TRPA1: variants seen among roughly 807,000 people sequenced by gnomAD.
TRPA1 encodes the protein ankyrin-like with transmembrane domains 1.
In TRPA1, 129 loss-of-function variants were observed where a neutral mutation model predicts 131.3. That is an observed-to-expected ratio of 0.98 (90% CI 0.85 to 1.14). The LOEUF (loss-of-function observed/expected upper bound fraction) is 1.14. TRPA1 is among the 50% of genes most tolerant of loss of function. The pLI is 0.00. For synonymous variants in TRPA1, 441 were observed against 451.7 expected (o/e 0.98, Z 0.30); for missense variants, 1,304 against 1,354.2 (o/e 0.96, Z 0.58).
rs373524471 is a variant in TRPA1 at position 72,021,891 on chromosome 8, G to A, written c.*1015C>T. On this transcript the variant is annotated 3_prime_UTR_variant, in exon 27 of 27. Coordinates refer to ENST00000262209, the MANE Select transcript of TRPA1 (RefSeq NM_007332.3). ...AGCAAAAACAGAAATAGAAGCTATA[G>A]CATAATAACATCTGTGTAAATAATA... 1 of 152,290 alleles carries A rather than the reference G, an allele frequency of 6.6e-6. No homozygotes were observed. The highest frequency in any genetic ancestry group is 2.1e-4 in the South Asian group (1 of 4,826). 9.4% of individuals were successfully genotyped at this position (152,290 alleles called of 1,614,324 possible).
intron 3 of TRPA1, among the ~76,000 whole-genome samples, chr8:72,066,600 T>C (rs1048420700): frequency 1.3e-5 from 2 of 152,198 alleles, no homozygotes; most frequent in Non-Finnish European, 2.9e-5. Flanking sequence ...ACTCAGATTT[T>C]AGTACATAAG....
At chr8:72,080,548 T>C (rs1425616263), upstream of TRPA1, among the ~76,000 whole-genome samples, 1 of 151,834 alleles carries the variant, frequency 6.6e-6, no homozygotes, top group Non-Finnish European at 1.5e-5. Context: ...TTTTGTGATA[T>C]CTTTGTATAG....
At position 72,025,131 on chromosome 8, in the gene TRPA1, TGTGTGC is replaced by T. The variant is rs1006753458; in HGVS notation, c.3051+823_3051+828del. Among the ~76,000 whole-genome samples, 4 of 108,480 alleles carry T rather than the reference TGTGTGC, an allele frequency of 3.7e-5. No homozygotes were observed. The East Asian group carries it at 1.4e-3, about 39-fold the overall frequency. The allele number at this position is 108,480 out of a possible 152,430, so 71.2% of individuals were successfully genotyped here. ...GTGTGTGTGTGTGTGTGTGTGTGTG[TGTGTGC>T]GTGCTATGTTTAGGCTTTGTGTCCC... On this transcript the variant is annotated intron_variant, in intron 25 of 26. Transcript: ENST00000262209.
chr8:72,057,984 T>C (rs749141188), intron 8 of TRPA1, among the ~76,000 whole-genome samples, 168 bp from the exon 9 acceptor site: 26 of 152,206 alleles, frequency 1.7e-4, no homozygotes, highest in Admixed American at 3.3e-4. Flanking sequence ...ATAGTTCATA[T>C]GTTGTATCAT....
Position 72,038,975 on chromosome 8 carries a change from C to A in TRPA1, c.2185G>T (p.Gly729Cys), listed in dbSNP as rs766560261. 5.0e-6 allele frequency: 8 copies of A among 1,612,640 alleles called. No homozygotes were observed. Among genetic ancestry groups the A allele is most frequent in the Non-Finnish European group, 6.8e-6 (8 of 1,179,352 alleles). Residue 729 changes from glycine to cysteine, a missense_variant, in exon 19 of 27, where the codon GGT becomes TGT. Transcript: ENST00000262209. The part of the protein sequence containing the change: ...HMMNLGSYCL[G>C]LIPMTILVVN... ...ACGAGAATGGTCATAGGTATGAGAC[C>A]AAGACAGTAAGATCCTAAATTCATC...
chr8:72,066,145 G>T (rs1805927451), intron 3 of TRPA1, among the ~76,000 whole-genome samples: 1 of 152,148 alleles, frequency 6.6e-6, no homozygotes, highest in African/African-American at 2.4e-5. Context: ...GCCTGGAATG[G>T]AAACTTTCTC....
At chr8:72,025,630 A>G (rs16937931) in intron 25 of TRPA1, among the ~76,000 whole-genome samples, 2,231 of 152,306 alleles carry the variant, frequency 0.015, 74 homozygotes, top group African/African-American at 0.05. Flanking sequence ...ACATGTGACT[A>G]GGAAAAGCAA....
At chr8:72,027,972 GC>G (rs1327811453) in intron 24 of TRPA1, among the ~76,000 whole-genome samples, 1 of 152,056 alleles carries the variant, frequency 6.6e-6, no homozygotes, top group Non-Finnish European at 1.5e-5. Context: ...CCCCAATTTT[GC>G]TTGTATTATT....
At chr8:72,049,079 G>A (rs1024220996) in intron 15 of TRPA1, among the ~76,000 whole-genome samples, 1 of 152,092 alleles carries the variant, frequency 6.6e-6, no homozygotes, top group African/African-American at 2.4e-5. Flanking sequence ...TGCCATTTGT[G>A]TACTGGACTG....
Position 72,039,710 on chromosome 8 carries a change from T to C in TRPA1, c.2132+17A>G, listed in dbSNP as rs548702527. ...AATAGACACAGCATTAAACAAGAAA[T>C]ACTACTCAATACCCACCATTTCATG... On this transcript the variant is annotated intron_variant, in intron 18 of 26. Transcript: ENST00000262209. The C allele has an allele frequency of 1.9e-5, 29 of 1,517,970 alleles. No homozygotes were observed. The highest frequency in any genetic ancestry group is 2.7e-5 in the Non-Finnish European group (29 of 1,093,036). 94.0% of individuals were successfully genotyped at this position (1,517,970 alleles called of 1,614,324 possible).
chr8:72,061,864 G>T (rs914895335), intron 6 of TRPA1, 103 bp from the exon 7 acceptor site: 6 of 1,238,876 alleles, frequency 4.8e-6, no homozygotes, highest in Non-Finnish European at 7.0e-6. Flanking sequence ...TAAAATCAAG[G>T]AATATCTATC....
Position 72,064,237 on chromosome 8 carries a change from A to G in TRPA1, c.553-666T>C, listed in dbSNP as rs543064136. 1.5e-3 allele frequency among the ~76,000 whole-genome samples: 218 copies of G among 142,146 alleles called. 1 individual carries two copies. The highest frequency in any genetic ancestry group is 2.7e-3 in the Non-Finnish European group (182 of 66,302). The allele number at this position is 142,146 out of a possible 152,430, so 93.3% of individuals were successfully genotyped here. ...GAGGTAGTATCAGTTTACTCTATACATAATAGTCCAGAAATTATATATATA... is the reference window on the plus strand; with the variant it reads ...GAGGTAGTATCAGTTTACTCTATACGTAATAGTCCAGAAATTATATATATA... On this transcript the variant is annotated intron_variant, in intron 4 of 26. Transcript: ENST00000262209.
chr8:72,051,779 T>C (rs1418722528), intron 14 of TRPA1, among the ~76,000 whole-genome samples: 1 of 152,224 alleles, frequency 6.6e-6, no homozygotes, highest in Non-Finnish European at 1.5e-5. Flanking sequence ...AACTATCCTC[T>C]AACTTCATCA....
At chr8:72,048,623 G>T (rs1805410647) in intron 15 of TRPA1, among the ~76,000 whole-genome samples, 1 of 152,108 alleles carries the variant, frequency 6.6e-6, no homozygotes, top group Non-Finnish European at 1.5e-5. Context: ...TCTTGGGTGG[G>T]GGCTGGGGAG....
chr8:72,025,912 TCAAA>T (rs1470837527), intron 25 of TRPA1, 44 bp downstream of exon 25: 1 of 1,503,044 alleles, frequency 6.7e-7, no homozygotes, highest in South Asian at 1.1e-5. Flanking sequence ...TGAATGAATG[TCAAA>T]CAGTGTCATG....
At chr8:72,072,732 C>T (rs932402359) in intron 1 of TRPA1, among the ~76,000 whole-genome samples, 4 of 152,060 alleles carry the variant, frequency 2.6e-5, no homozygotes, top group African/African-American at 9.7e-5. Context: ...ATGCTCTTTG[C>T]GTAATAAAGG....
At chr8:72,078,110 T>C (rs1806223806), upstream of TRPA1, among the ~76,000 whole-genome samples, 1 of 151,810 alleles carries the variant, frequency 6.6e-6, no homozygotes, top group Non-Finnish European at 1.5e-5. Context: ...AAAATTCTCC[T>C]TAATTATTTT....
intron 2 of TRPA1, among the ~76,000 whole-genome samples, chr8:72,071,272 T>C (rs1806054543): frequency 6.6e-6 from 1 of 152,196 alleles, no homozygotes; most frequent in South Asian, 2.1e-4. Context: ...TCCACCTCCT[T>C]CATTGTCTGC....
the TRPA1 span, among the ~76,000 whole-genome samples, chr8:72,083,945 T>C: frequency 1.4e-4 from 21 of 152,180 alleles, no homozygotes; most frequent in African/African-American, 5.1e-4. Context: ...ATAATCACTT[T>C]TTTATTGTTG....
Sources: allele counts gnomAD v4.1 joint callset (sites outside exome capture counted in the v4.1 genomes callset), GRCh38; gene constraint gnomAD v4.1.1; transcripts MANE v1.5; gene names NCBI Gene and HGNC (gene_info 2026-07-23, HGNC 2026-07-21).